The following LRRC49 variants were observed in gnomAD, a reference collection of about 807,000 sequenced individuals.
The protein encoded by LRRC49 is leucine rich repeat containing 49.
LRRC49 carries 50 observed loss-of-function variants against 83.3 expected under a neutral mutation model. The observed-to-expected ratio is 0.60, with a 90% CI of 0.48 to 0.76. The LOEUF (loss-of-function observed/expected upper bound fraction) is 0.76, where lower values mean the gene tolerates loss of function less well. Among genes scored for constraint, LRRC49 ranks in the 30% least tolerant of loss-of-function variants. The pLI is 0.00. For synonymous variants in LRRC49, 286 were observed against 283.3 expected (o/e 1.01, Z -0.10); for missense variants, 704 against 809.1 (o/e 0.87, Z 1.58).
At chr15:70,908,014 G>A (rs952928791) in intron 5 of LRRC49, 3 of 455,864 alleles carry the variant, frequency 6.6e-6, no homozygotes, top group African/African-American at 6.0e-5. Context: ...GTCATTTCAG[G>A]TGTTGGGGGG....
chr15:71,007,732 T>C (rs2038508688), intron 11 of LRRC49, among the ~76,000 whole-genome samples: 1 of 139,356 alleles, frequency 7.2e-6, no homozygotes, highest in South Asian at 2.3e-4. Flanking sequence ...TATATATATA[T>C]ATATATATAG....
chr15:71,046,437 A>G (rs1363807418), intron 15 of LRRC49, among the ~76,000 whole-genome samples: 2 of 151,974 alleles, frequency 1.3e-5, no homozygotes, highest in Admixed American at 1.3e-4. Context: ...TTTGATTTGC[A>G]TTTCTCTGAT....
At chr15:70,862,402 C>A (rs1229037642) in intron 1 of LRRC49, among the ~76,000 whole-genome samples, 2 of 151,842 alleles carry the variant, frequency 1.3e-5, no homozygotes, top group African/African-American at 4.8e-5. Flanking sequence ...CAACGTGAAA[C>A]CCCGTCTCTA....
chr15:70,932,841 C>T (rs1201468953), intron 7 of LRRC49, among the ~76,000 whole-genome samples: 4 of 151,388 alleles, frequency 2.6e-5, no homozygotes, highest in African/African-American at 4.9e-5. Context: ...ACAATTCTCC[C>T]GTCTCAGCCT....
At chr15:70,871,467 C>T (rs1358395535) in intron 1 of LRRC49, among the ~76,000 whole-genome samples, 11 of 152,226 alleles carry the variant, frequency 7.2e-5, no homozygotes, top group Non-Finnish European at 1.6e-4. Flanking sequence ...AGCTGTTGGG[C>T]ACACCTCCCA....
intron 8 of LRRC49, among the ~76,000 whole-genome samples, chr15:70,959,364 G>A (rs762326359): frequency 2.0e-5 from 3 of 152,086 alleles, no homozygotes; most frequent in Non-Finnish European, 4.4e-5. Flanking sequence ...GGTGGTGCAT[G>A]CCTGTAATCC....
chr15:71,028,244 C>T (rs1430009111), intron 14 of LRRC49, among the ~76,000 whole-genome samples: 7 of 152,128 alleles, frequency 4.6e-5, no homozygotes, highest in African/African-American at 1.4e-4. Flanking sequence ...TGATGGATTA[C>T]GTTTATTGAT....
chr15:70,945,737 T>G (rs773585795), intron 8 of LRRC49, among the ~76,000 whole-genome samples: 3 of 152,068 alleles, frequency 2.0e-5, no homozygotes, highest in Non-Finnish European at 4.4e-5. Context: ...GGAGGGTATT[T>G]TCTTCTTTAA....
intron 13 of LRRC49, among the ~76,000 whole-genome samples, chr15:71,010,699 C>T (rs929177057): frequency 8.6e-5 from 13 of 151,654 alleles, no homozygotes; most frequent in African/African-American, 3.1e-4. Context: ...AAGCTTGTCA[C>T]AAGGTAATCC....
intron 11 of LRRC49, among the ~76,000 whole-genome samples, chr15:70,987,109 G>A (rs1303271291): frequency 6.6e-6 from 1 of 152,104 alleles, no homozygotes; most frequent in African/African-American, 2.4e-5. Flanking sequence ...TTTTGGTTGT[G>A]TCTCTACCCG....
In LRRC49 at chr15:70,864,112, G is replaced by A. The variant is rs547819523; in HGVS notation, c.-298-8796G>A. On this transcript the variant is annotated intron_variant, in intron 1 of 16. Transcript: ENST00000544974. ...CACCAGGTGGTGACTAGCTAGATTC[G>A]TCTATGAACACACATGAGACACCCC... Among the ~76,000 whole-genome samples the A allele has an allele frequency of 4.6e-5, 7 of 152,248 alleles. No individual in the cohort carries two copies. In the East Asian group the frequency reaches 5.8e-4, roughly 13 times the overall value.
intron 1 of LRRC49, among the ~76,000 whole-genome samples, chr15:70,858,240 A>G (rs867390475): frequency 6.6e-6 from 1 of 152,158 alleles, no homozygotes; most frequent in Non-Finnish European, 1.5e-5. Flanking sequence ...CACTGACAAA[A>G]TCGAGGACTT....
At chr15:70,908,275 C>T (rs1265124850) in intron 5 of LRRC49, among the ~76,000 whole-genome samples, 1 of 152,148 alleles carries the variant, frequency 6.6e-6, no homozygotes, top group East Asian at 1.9e-4. Context: ...GCAGGTGTTG[C>T]AACTGAGTAA....
In LRRC49 at chr15:70,982,958, G is replaced by A. The variant is rs187635988; in HGVS notation, c.1006-1136G>A. 3.7e-3 allele frequency among the ~76,000 whole-genome samples: 560 copies of A among 152,222 alleles called. 4 individuals are homozygous for A. The highest frequency in any genetic ancestry group is 5.5e-3 in the Non-Finnish European group (373 of 68,008). On this transcript the variant is annotated intron_variant, in intron 10 of 15. Transcript: ENST00000260382. ...TAAAAAGAATTATTCTACATGTACT[G>A]AAGGAGTGGACAGAGAATCTTCCTA...
intron 2 of LRRC49, among the ~76,000 whole-genome samples, chr15:70,880,188 C>T (rs999142443): frequency 1.3e-5 from 2 of 152,188 alleles, no homozygotes; most frequent in Non-Finnish European, 1.5e-5. Flanking sequence ...CATATATGCT[C>T]TCCTCAGAGA....
intron 15 of LRRC49, among the ~76,000 whole-genome samples, chr15:71,037,633 C>A (rs2039565984): frequency 6.6e-6 from 1 of 152,028 alleles, no homozygotes; most frequent in Non-Finnish European, 1.5e-5. Context: ...ACCAAGGGTC[C>A]CGATCTATGT....
chr15:70,936,029 C>G (rs1050947128), intron 7 of LRRC49, among the ~76,000 whole-genome samples: 1 of 151,950 alleles, frequency 6.6e-6, no homozygotes, highest in Admixed American at 6.6e-5. Flanking sequence ...GTAGCTTTTA[C>G]TTTATTTTTT....
At position 71,037,223 on chromosome 15, in the gene LRRC49, C is replaced by T. The variant is rs1311761216; in HGVS notation, c.1748C>T (p.Pro583Leu). 6.2e-7 allele frequency: 1 copy of T among 1,610,252 alleles called. No individual in the cohort carries two copies. The highest frequency in any genetic ancestry group is 1.3e-5 in the African/African-American group (1 of 74,606). The change falls in exon 15 of 16, where the codon CCT becomes CTT. Residue 583 changes from proline to leucine, a missense_variant. Pro to Leu is a moderately conservative substitution (Grantham distance 98). This residue lies in a region of LRRC49 where 275 missense variants were observed against 338.0 expected (regional missense o/e 0.81). Coordinates refer to ENST00000260382, the MANE Select transcript of LRRC49 (RefSeq NM_017691.5). ...RYLLESKGKK[P>L]GIINEENNDS... ...CTACTAGAATCCAAAGGAAAAAAAC[C>T]TGGTATTATCAACGAAGAAAATAAT...
chr15:70,891,085 A>G (rs967619995), upstream of LRRC49, among the ~76,000 whole-genome samples: 1 of 152,228 alleles, frequency 6.6e-6, no homozygotes, highest in Non-Finnish European at 1.5e-5. Context: ...TGAGGAAATT[A>G]CTAACCTCTT....
Sources: gnomAD v4.1 joint callset for allele counts (sites outside exome capture counted in the v4.1 genomes callset) on GRCh38, gnomAD v4.1.1 for gene constraint, gnomAD v4.1.1 regional missense constraint, MANE v1.5 for transcripts, NCBI Gene and HGNC (gene_info 2026-07-23, HGNC 2026-07-21) for gene names.